Variants in RILPL2 observed in about 807,000 individuals in gnomAD.
RILPL2 encodes Rab interacting lysosomal protein like 2.
A neutral mutation model predicts 22.2 loss-of-function variants in RILPL2; 19 were observed. The observed-to-expected ratio is 0.86, with a 90% CI of 0.60 to 1.25. The LOEUF (loss-of-function observed/expected upper bound fraction) is 1.25. Among genes scored for constraint, RILPL2 ranks in the 50% most tolerant of loss-of-function variants. The pLI, the probability that RILPL2 is intolerant of heterozygous loss-of-function variation, is 0.00. For synonymous variants in RILPL2, 123 were observed against 111.6 expected, an observed-to-expected ratio of 1.10 and a Z score of -0.64; for missense variants, 243 against 263.6, an observed-to-expected ratio of 0.92 and a Z score of 0.54.
At chr12:123,417,041 G>A (rs1440541617) in intron 3 of RILPL2, among the ~76,000 whole-genome samples, 2 of 152,084 alleles carry the variant, frequency 1.3e-5, no homozygotes, top group African/African-American at 4.8e-5. Flanking sequence ...GCTTACACCC[G>A]TAATCCTAGC....
intron 3 of RILPL2, among the ~76,000 whole-genome samples, chr12:123,422,733 A>G (rs570807862): frequency 1.1e-4 from 16 of 152,158 alleles, no homozygotes; most frequent in African/African-American, 3.9e-4. Flanking sequence ...TGACTTCACT[A>G]TTTACCCTCT....
intron 3 of RILPL2, among the ~76,000 whole-genome samples, chr12:123,416,373 C>A (rs2139230666): frequency 6.6e-6 from 1 of 152,056 alleles, no homozygotes; most frequent in South Asian, 2.1e-4. Flanking sequence ...GGTGCGGTGG[C>A]TCATGCCTGT....
At chr12:123,432,772 A>G (rs1452302530) in intron 1 of RILPL2, among the ~76,000 whole-genome samples, 1 of 152,194 alleles carries the variant, frequency 6.6e-6, no homozygotes, top group African/African-American at 2.4e-5. Context: ...GGAGGCAAAA[A>G]TAACACAGAA....
chr12:123,424,965 C>T lies in RILPL2; in HGVS notation c.492-1808G>A, dbSNP rs963385539. Among the ~76,000 whole-genome samples, 8 of 151,432 alleles carry T rather than the reference C, an allele frequency of 5.3e-5. 1 individual carries two copies. In the South Asian group the frequency reaches 1.5e-3, roughly 28 times the overall value. ...CGCTACCTTGGCTCACTGCAAGCTC[C>T]GCCTCCCGGGTTCACGCCATTCTCC... On this transcript the variant is annotated intron_variant, in intron 2 of 3. Coordinates refer to ENST00000280571, the MANE Select transcript of RILPL2 (RefSeq NM_145058.3).
At position 123,415,653 on chromosome 12, in the gene RILPL2, T is replaced by G. The variant is rs1010111599; in HGVS notation, c.*238A>C. Reference sequence around the variant, plus strand: ...ACCCCCCCACCCTGCACATCCCTTCTGTTTTTCTTGATTTCAGTCTCACTG... The same window carrying G: ...ACCCCCCCACCCTGCACATCCCTTCGGTTTTTCTTGATTTCAGTCTCACTG... On this transcript the variant is annotated 3_prime_UTR_variant, in exon 4 of 4. Transcript: ENST00000280571. The G allele has an allele frequency of 1.3e-5, 8 of 624,868 alleles. No individual in the cohort carries two copies. In the Admixed American group the frequency reaches 2.2e-4, roughly 17 times the overall value. The allele number at this position is 624,868 out of a possible 1,614,324, so 38.7% of individuals were successfully genotyped here. A position where few individuals can be genotyped will look rare whatever the true frequency, so the allele number is the denominator to read the frequency against.
intron 1 of RILPL2, among the ~76,000 whole-genome samples, chr12:123,431,002 G>A (rs1037486417): frequency 2.6e-5 from 4 of 151,946 alleles, no homozygotes; most frequent in African/African-American, 4.8e-5. Flanking sequence ...CCCGGCCTAC[G>A]CCTGGCTAAT....
Position 123,415,865 on chromosome 12 carries a change from C to G in RILPL2, c.*26G>C. ...GGAAGGTTGTCTTCTAGAATCAGAGCCATAGCCTTACTTGTGGCCTTGGAT... is the reference window on the plus strand; with the variant it reads ...GGAAGGTTGTCTTCTAGAATCAGAGGCATAGCCTTACTTGTGGCCTTGGAT... On this transcript the variant is annotated 3_prime_UTR_variant, in exon 4 of 4. Coordinates refer to ENST00000280571, the MANE Select transcript of RILPL2 (RefSeq NM_145058.3). The G allele has an allele frequency of 6.2e-7, 1 of 1,613,412 alleles. No homozygotes were observed. Among genetic ancestry groups the G allele is most frequent in the African/African-American group, 1.3e-5 (1 of 75,012 alleles).
At chr12:123,424,446 C>T (rs1424693669) in intron 2 of RILPL2, among the ~76,000 whole-genome samples, 1 of 151,842 alleles carries the variant, frequency 6.6e-6, no homozygotes, top group Non-Finnish European at 1.5e-5. Flanking sequence ...ATTCTCCTGC[C>T]TCAGCCTCCC....
intron 3 of RILPL2, among the ~76,000 whole-genome samples, chr12:123,419,141 G>A (rs1879205162): frequency 6.6e-6 from 1 of 151,682 alleles, no homozygotes; most frequent in Non-Finnish European, 1.5e-5. Context: ...CTCCCGAGTA[G>A]CTGGGAATAC....
At chr12:123,427,335 C>A (rs1171641977) in intron 2 of RILPL2, among the ~76,000 whole-genome samples, 2 of 152,104 alleles carry the variant, frequency 1.3e-5, no homozygotes, top group African/African-American at 4.8e-5. Flanking sequence ...AGGCCTCTTA[C>A]CAACTTAACC....
chr12:123,428,832 ATT>A (rs773907909), intron 2 of RILPL2, among the ~76,000 whole-genome samples: 1 of 152,166 alleles, frequency 6.6e-6, no homozygotes, highest in Admixed American at 6.6e-5. Context: ...CTTGGGATAC[ATT>A]TAGCAGACAG....
chr12:123,415,638 C>T lies in RILPL2; in HGVS notation c.*253G>A, dbSNP rs1879096394. On this transcript the variant is annotated 3_prime_UTR_variant, in exon 4 of 4. Transcript: ENST00000280571. ...GGGAGCAGGAAGTGGACCCCCCCAC[C>T]CTGCACATCCCTTCTGTTTTTCTTG... The T allele has an allele frequency of 6.9e-6, 4 of 583,712 alleles. No homozygotes were observed. The East Asian group carries it at 1.1e-4, about 17-fold the overall frequency. The allele number at this position is 583,712 out of a possible 1,614,324, so 36.2% of individuals were successfully genotyped here.
At position 123,415,416 on chromosome 12, in the gene RILPL2, T is replaced by C; in HGVS notation, c.*475A>G. The C allele has an allele frequency of 5.9e-6, 1 of 170,406 alleles. No homozygotes were observed. Among genetic ancestry groups the C allele is most frequent in the Non-Finnish European group, 1.3e-5 (1 of 78,378 alleles). 10.6% of individuals were successfully genotyped at this position (170,406 alleles called of 1,614,324 possible). A position where few individuals can be genotyped will look rare whatever the true frequency, so the allele number is the denominator to read the frequency against. On this transcript the variant is annotated 3_prime_UTR_variant, in exon 4 of 4. Transcript: ENST00000280571. The stretch of plus-strand genomic sequence containing the variant: ...AAGTATAAAAATCATTTTACTTTAA[T>C]ACAAAATCACATAAAGAAAGGCATG...
At chr12:123,420,976 G>A (rs1470518149) in intron 3 of RILPL2, among the ~76,000 whole-genome samples, 3 of 151,858 alleles carry the variant, frequency 2.0e-5, no homozygotes, top group African/African-American at 7.3e-5. Flanking sequence ...GATCTCCTGA[G>A]TAGATGTTTA....
At chr12:123,416,061 G>A (rs1879108709) in intron 3 of RILPL2, 140 bp from the exon 4 acceptor site, 3 of 844,368 alleles carry the variant, frequency 3.6e-6, no homozygotes, top group African/African-American at 3.3e-5. Context: ...GCTCACGCCT[G>A]TAATCCTATG....
Position 123,415,911 on chromosome 12 carries a change from G to A in RILPL2, c.616C>T (p.Arg206Ter), listed in dbSNP as rs1555259046. ...KTIIKKLFFF[R>*]SGKQT is the part of the protein sequence containing the mutation. ...TGGATCTAGGTCTGTTTCCCCGATC[G>A]AAAAAAGAACCTGGTGTGGAGAGAG... The change falls in exon 4 of 4, where the codon CGA becomes TGA. Residue 206 changes from arginine (R) to a stop codon, truncating the protein, a stop_gained. Coordinates refer to ENST00000280571, the MANE Select transcript of RILPL2 (RefSeq NM_145058.3). LOFTEE classifies it high-confidence loss of function. 5.0e-6 allele frequency: 8 copies of A among 1,614,004 alleles called. No individual in the cohort carries two copies. The South Asian group carries it at 5.5e-5, about 11-fold the overall frequency.
chr12:123,424,472 C>T (rs1305126534), intron 2 of RILPL2, among the ~76,000 whole-genome samples: 2 of 151,902 alleles, frequency 1.3e-5, no homozygotes, highest in East Asian at 3.9e-4. Context: ...GCTGGGATTA[C>T]AGGTGTGCAC....
Position 123,430,224 on chromosome 12 carries a change from A to G in RILPL2, c.491+284T>C, listed in dbSNP as rs771445431. ...GGAGATCGAGACCATTCTGCCTAAC[A>G]CGGTGAAACTCCGTTTCTACTAAAA... On this transcript the variant is annotated intron_variant, in intron 2 of 3. Transcript: ENST00000280571. 2.4e-3 allele frequency among the ~76,000 whole-genome samples: 357 copies of G among 150,966 alleles called. 10 individuals are homozygous for G. The highest frequency in any genetic ancestry group is 0.01 in the Middle Eastern group (3 of 292).
intron 2 of RILPL2, among the ~76,000 whole-genome samples, chr12:123,428,432 G>A (rs918252993): frequency 6.6e-6 from 1 of 152,128 alleles, no homozygotes; most frequent in African/African-American, 2.4e-5. Context: ...CACCGCGCCC[G>A]GCCCTGAATT....
Sources: allele counts gnomAD v4.1 joint callset (sites outside exome capture counted in the v4.1 genomes callset), GRCh38; gene constraint gnomAD v4.1.1; transcripts MANE v1.5; gene names NCBI Gene and HGNC (gene_info 2026-07-23, HGNC 2026-07-21).